Variants in TMEM266 observed in about 807,000 individuals in gnomAD.
TMEM266 encodes transmembrane protein 266.
Under a neutral mutation model 50.5 loss-of-function variants are expected in TMEM266, and 33 were observed. The observed-to-expected ratio is 0.65, with a 90% CI of 0.50 to 0.87. TMEM266 has a LOEUF of 0.87. Ranked by LOEUF, TMEM266 falls within the 40% of genes least tolerant of loss-of-function variation. The pLI is 0.00. For synonymous variants in TMEM266, 310 were observed against 292.3 expected (o/e 1.06, Z -0.62); for missense variants, 655 against 695.1 (o/e 0.94, Z 0.65).
At chr15:76,145,268 TG>T (rs2037740482) in intron 3 of TMEM266, among the ~76,000 whole-genome samples, 2 of 152,166 alleles carry the variant, frequency 1.3e-5, no homozygotes, top group Admixed American at 1.3e-4. Context: ...ACTACCAAAA[TG>T]AGCCACATGT....
chr15:76,103,893 G>A (rs1412104125), intron 1 of TMEM266, among the ~76,000 whole-genome samples: 24 of 140,040 alleles, frequency 1.7e-4, no homozygotes, highest in African/African-American at 6.6e-4. Context: ...GCCTAGCGAC[G>A]GAGCGAGACT....
At chr15:76,172,276 G>A (rs545044604) in intron 7 of TMEM266, among the ~76,000 whole-genome samples, 1 of 152,296 alleles carries the variant, frequency 6.6e-6, no homozygotes, top group East Asian at 1.9e-4. Flanking sequence ...GGAGTGGAGG[G>A]GCCTCACAGC....
intron 1 of TMEM266, among the ~76,000 whole-genome samples, chr15:76,130,377 A>G (rs572781667): frequency 1.6e-4 from 25 of 151,620 alleles, no homozygotes; most frequent in African/African-American, 5.8e-4. Flanking sequence ...GTCTCTACTA[A>G]TAATATAAAA....
intron 1 of TMEM266, among the ~76,000 whole-genome samples, chr15:76,133,231 C>T (rs2037540547): frequency 1.3e-5 from 2 of 151,942 alleles, no homozygotes; most frequent in South Asian, 2.1e-4. Context: ...GTTAGTAATT[C>T]GAGACCAGCC....
At position 76,082,162 on chromosome 15, in the gene TMEM266, CTT is replaced by C. The variant is rs1169220080; in HGVS notation, c.-97+22150_-97+22151del. Among the ~76,000 whole-genome samples, 11 of 152,180 alleles carry C rather than the reference CTT, an allele frequency of 7.2e-5. 1 individual carries two copies. Among genetic ancestry groups the C allele is most frequent in the African/African-American group, 2.7e-4 (11 of 41,430 alleles). On this transcript the variant is annotated intron_variant, in intron 1 of 10. Coordinates refer to ENST00000388942, the MANE Select transcript of TMEM266 (RefSeq NM_152335.3). The stretch of plus-strand genomic sequence containing the variant: ...AGCCTGCTCAAAATACATATAGTCT[CTT>C]TTTCCTTTAGGTGTCAAATTTCTTG...
At chr15:76,102,849 A>C (rs951859866) in intron 1 of TMEM266, among the ~76,000 whole-genome samples, 2 of 151,654 alleles carry the variant, frequency 1.3e-5, no homozygotes, top group African/African-American at 4.8e-5. Context: ...CCAAAAAAAA[A>C]AAAAAAAAAA....
chr15:76,120,622 G>A (rs1406367439), intron 1 of TMEM266, among the ~76,000 whole-genome samples: 3 of 151,724 alleles, frequency 2.0e-5, no homozygotes, highest in Non-Finnish European at 2.9e-5. Context: ...TTATCTGGGC[G>A]TGGTAGCATG....
intron 8 of TMEM266, chr15:76,181,054 A>C (rs1017702953): frequency 6.6e-6 from 1 of 152,174 alleles, no homozygotes; most frequent in Non-Finnish European, 1.5e-5. Flanking sequence ...ATTTCTTGTC[A>C]CAGGCCCACA....
intron 9 of TMEM266, among the ~76,000 whole-genome samples, chr15:76,196,617 C>T (rs2038661006): frequency 6.6e-6 from 1 of 152,202 alleles, no homozygotes; most frequent in East Asian, 1.9e-4. Flanking sequence ...TGAGGCCCAC[C>T]TCATGCACAG....
chr15:76,143,844 T>C (rs1291507925), intron 3 of TMEM266, among the ~76,000 whole-genome samples: 1 of 152,206 alleles, frequency 6.6e-6, no homozygotes, highest in African/African-American at 2.4e-5. Flanking sequence ...CTCCTTCAAC[T>C]GGTAACATTC....
chr15:76,088,266 C>T (rs2036801117), intron 1 of TMEM266, among the ~76,000 whole-genome samples: 1 of 152,118 alleles, frequency 6.6e-6, no homozygotes, highest in South Asian at 2.1e-4. Context: ...AAATAGATGG[C>T]AATAAGACAG....
chr15:76,157,237 CG>C (rs1567170391), intron 4 of TMEM266, among the ~76,000 whole-genome samples: 1 of 152,120 alleles, frequency 6.6e-6, no homozygotes, highest in African/African-American at 2.4e-5. Context: ...GTGATTTATA[CG>C]TATCGTGATA....
At chr15:76,097,989 AG>A (rs1452903447) in intron 1 of TMEM266, among the ~76,000 whole-genome samples, 20 of 152,020 alleles carry the variant, frequency 1.3e-4, no homozygotes, top group Admixed American at 1.3e-3. Flanking sequence ...TGTTCTAGTT[AG>A]GAATTCGTCT....
intron 1 of TMEM266, among the ~76,000 whole-genome samples, chr15:76,099,812 A>T (rs181724000): frequency 6.6e-6 from 1 of 152,288 alleles, no homozygotes; most frequent in East Asian, 1.9e-4. Flanking sequence ...TAAAGAAAAG[A>T]GGTTTAATTG....
intron 1 of TMEM266, among the ~76,000 whole-genome samples, chr15:76,094,327 T>G (rs1223050864): frequency 6.6e-6 from 1 of 152,118 alleles, no homozygotes; most frequent in Non-Finnish European, 1.5e-5. Flanking sequence ...TTCAGTTTTC[T>G]GCAGATGGCT....
intron 5 of TMEM266, among the ~76,000 whole-genome samples, chr15:76,167,387 G>A (rs933622343): frequency 4.7e-5 from 7 of 150,438 alleles, no homozygotes; most frequent in Admixed American, 1.3e-4. Flanking sequence ...GGAGAATGGC[G>A]TGAACCTAGG....
chr15:76,068,106 G>C (rs2036467418), intron 1 of TMEM266, among the ~76,000 whole-genome samples: 1 of 152,180 alleles, frequency 6.6e-6, no homozygotes, highest in Non-Finnish European at 1.5e-5. Context: ...ACCTCCAATT[G>C]ACAGTCATCA....
intron 1 of TMEM266, among the ~76,000 whole-genome samples, chr15:76,129,498 G>A (rs182508060): frequency 1.3e-3 from 196 of 151,946 alleles, no homozygotes; most frequent in African/African-American, 2.8e-3. Context: ...AAAATTAGCC[G>A]GGCGTGGTGG....
intron 1 of TMEM266, among the ~76,000 whole-genome samples, chr15:76,080,459 T>C (rs995409323): frequency 6.0e-5 from 9 of 150,634 alleles, no homozygotes; most frequent in South Asian, 4.2e-4. Flanking sequence ...ACTATGTTGG[T>C]CAGGTGGTCT....
Sources: gnomAD v4.1 joint callset for allele counts (sites outside exome capture counted in the v4.1 genomes callset) on GRCh38, gnomAD v4.1.1 for gene constraint, MANE v1.5 for transcripts, NCBI Gene and HGNC (gene_info 2026-07-23, HGNC 2026-07-21) for gene names.